STAC: variants seen among roughly 807,000 people sequenced by gnomAD.
STAC encodes SH3 and cysteine rich domain.
In STAC, 43 loss-of-function variants were observed where a neutral mutation model predicts 48.8. That is an observed-to-expected ratio of 0.88 (90% CI 0.69 to 1.14). The LOEUF (loss-of-function observed/expected upper bound fraction) is 1.14. Among genes scored for constraint, STAC ranks in the 50% most tolerant of loss-of-function variants. The probability of loss-of-function intolerance (pLI) is 0.00; values close to 1 mark genes in which losing one functional copy is unlikely to be tolerated. For synonymous variants in STAC, 193 were observed against 179.5 expected, an observed-to-expected ratio of 1.07 and a Z score of -0.60; for missense variants, 497 against 504.0, an observed-to-expected ratio of 0.99 and a Z score of 0.13.
chr3:36,481,803 T>A (rs1189516932), intron 2 of STAC, among the ~76,000 whole-genome samples: 2 of 152,302 alleles, frequency 1.3e-5, no homozygotes, highest in Admixed American at 1.3e-4. Context: ...ACGTCTCTTA[T>A]TTTTAGTTTT....
At chr3:36,530,974 C>T (rs1699051968) in intron 10 of STAC, among the ~76,000 whole-genome samples, 1 of 152,100 alleles carries the variant, frequency 6.6e-6, no homozygotes, top group South Asian at 2.1e-4. Context: ...ATATGGAGGA[C>T]AGCTTTTTTA....
At chr3:36,508,619 T>A (rs572814516) in intron 8 of STAC, among the ~76,000 whole-genome samples, 39 of 152,294 alleles carry the variant, frequency 2.6e-4, no homozygotes, top group African/African-American at 9.1e-4. Context: ...ATTGGGTGCA[T>A]ATATATTTAG....
intron 2 of STAC, among the ~76,000 whole-genome samples, chr3:36,464,031 C>T (rs1697095260): frequency 6.6e-6 from 1 of 152,174 alleles, no homozygotes; most frequent in African/African-American, 2.4e-5. Flanking sequence ...TGGGTATATA[C>T]CCAGTAATGG....
At chr3:36,492,939 C>G (rs1698029862) in intron 5 of STAC, among the ~76,000 whole-genome samples, 1 of 152,156 alleles carries the variant, frequency 6.6e-6, no homozygotes, top group Admixed American at 6.5e-5. Context: ...CTACCATCAC[C>G]AAGCCTGAGC....
chr3:36,405,756 T>C (rs1293964866), intron 1 of STAC, among the ~76,000 whole-genome samples: 1 of 152,232 alleles, frequency 6.6e-6, no homozygotes, highest in African/African-American at 2.4e-5. Flanking sequence ...AGTTTTGCTC[T>C]GTCATCCAGG....
At chr3:36,430,281 C>T (rs950566624) in intron 1 of STAC, among the ~76,000 whole-genome samples, 1 of 152,158 alleles carries the variant, frequency 6.6e-6, no homozygotes, top group Non-Finnish European at 1.5e-5. Context: ...GTTGTGGTGA[C>T]GTACTGCTGC....
intron 1 of STAC, among the ~76,000 whole-genome samples, chr3:36,388,031 C>T (rs62245724): frequency 6.6e-6 from 1 of 151,968 alleles, no homozygotes; most frequent in African/African-American, 2.4e-5. Context: ...CTGATGGGTA[C>T]AAGATGGTAT....
At chr3:36,424,045 A>T (rs1322756382) in intron 1 of STAC, among the ~76,000 whole-genome samples, 1 of 152,186 alleles carries the variant, frequency 6.6e-6, no homozygotes, top group African/African-American at 2.4e-5. Context: ...AAACTTGAGG[A>T]CAAGGGGCAT....
intron 6 of STAC, among the ~76,000 whole-genome samples, chr3:36,494,672 A>G (rs1456071): frequency 0.91 from 138,387 of 152,274 alleles, 63,119 homozygotes; most frequent in African/African-American, 0.98. Context: ...ACACACATCT[A>G]CTAAAGCTCA....
At chr3:36,456,799 C>T (rs1696868460) in intron 2 of STAC, among the ~76,000 whole-genome samples, 1 of 152,192 alleles carries the variant, frequency 6.6e-6, no homozygotes, top group Admixed American at 6.5e-5. Context: ...AGTGCTACTT[C>T]TGTGGCTTTT....
chr3:36,448,796 C>T (rs1696592169), intron 2 of STAC, among the ~76,000 whole-genome samples: 1 of 151,826 alleles, frequency 6.6e-6, no homozygotes, highest in African/African-American at 2.4e-5. Flanking sequence ...GAAGTAAGCT[C>T]CACTGGCACA....
chr3:36,489,062 G>A (rs1253378134), intron 5 of STAC, among the ~76,000 whole-genome samples: 1 of 152,080 alleles, frequency 6.6e-6, no homozygotes, highest in African/African-American at 2.4e-5. Context: ...TACAAACAAT[G>A]AAGAGTCCCC....
Position 36,493,236 on chromosome 3 carries a change from G to T in STAC, c.766+7G>T. 1 of 1,612,810 alleles carries T rather than the reference G, an allele frequency of 6.2e-7. No homozygotes were observed. The highest frequency in any genetic ancestry group is 8.5e-7 in the Non-Finnish European group (1 of 1,179,146). Reference sequence around the variant, plus strand: ...AGGAAACGCAGCAACAGCGGTGAGTGAGGGAGTTGGCACAGCACAAATGTG... The same window carrying T: ...AGGAAACGCAGCAACAGCGGTGAGTTAGGGAGTTGGCACAGCACAAATGTG... On this transcript the variant is annotated splice_region_variant and intron_variant, in intron 6 of 10. Transcript: ENST00000273183.
Position 36,492,989 on chromosome 3 carries a change from T to C in STAC, c.688-162T>C, listed in dbSNP as rs1698031127. Among the ~76,000 whole-genome samples the C allele has an allele frequency of 2.0e-5, 3 of 152,074 alleles. No homozygotes were observed. The South Asian group carries it at 6.2e-4, about 32-fold the overall frequency. On this transcript the variant is annotated intron_variant, in intron 5 of 10. Transcript: ENST00000273183. ...TGAAGGGAGGTACAGTGCCCACGAG[T>C]GGACATAGCTTCTCTGAAGTTAGCC...
chr3:36,522,194 A>G (rs1362769006), intron 8 of STAC, among the ~76,000 whole-genome samples: 1 of 152,200 alleles, frequency 6.6e-6, no homozygotes, highest in Non-Finnish European at 1.5e-5. Context: ...CCAATCCTCA[A>G]AGAGACATGT....
chr3:36,411,630 GAGAGACTGT>G, intron 1 of STAC, among the ~76,000 whole-genome samples: 1 of 152,326 alleles, frequency 6.6e-6, no homozygotes, highest in East Asian at 1.9e-4. Context: ...CTAAGCCCAG[GAGAGACTGT>G]TCTTCCATGA....
intron 1 of STAC, among the ~76,000 whole-genome samples, chr3:36,399,166 C>A (rs1699950395): frequency 1.3e-5 from 2 of 152,112 alleles, no homozygotes; most frequent in African/African-American, 4.8e-5. Flanking sequence ...GGACAGTTCC[C>A]ATTAGTTGAG....
At chr3:36,497,132 G>C (rs1314560122) in intron 6 of STAC, among the ~76,000 whole-genome samples, 1 of 152,130 alleles carries the variant, frequency 6.6e-6, no homozygotes, top group Admixed American at 6.5e-5. Flanking sequence ...ATATTTTCCT[G>C]GTTAAGTTGG....
intron 2 of STAC, among the ~76,000 whole-genome samples, chr3:36,472,675 T>G (rs1303341948): frequency 6.6e-6 from 1 of 152,188 alleles, no homozygotes; most frequent in Non-Finnish European, 1.5e-5. Context: ...CCACCCAGTC[T>G]CTTTGCTAAA....
Sources: allele counts gnomAD v4.1 joint callset (sites outside exome capture counted in the v4.1 genomes callset), GRCh38; gene constraint gnomAD v4.1.1; transcripts MANE v1.5; gene names NCBI Gene and HGNC (gene_info 2026-07-23, HGNC 2026-07-21).